The following TLN2 variants were observed in gnomAD, a reference collection of about 807,000 sequenced individuals.
TLN2 encodes talin-2.
TLN2 carries 118 observed loss-of-function variants against 294.7 expected under a neutral mutation model. That is an observed-to-expected ratio of 0.40 (90% CI 0.34 to 0.47). The LOEUF (loss-of-function observed/expected upper bound fraction) is 0.47, where lower values mean the gene tolerates loss of function less well. TLN2 is among the 20% of genes least tolerant of loss of function. The pLI is 0.84. For synonymous variants in TLN2, 1,431 were observed against 1,304.5 expected (o/e 1.10, Z -2.09); for missense variants, 3,083 against 3,282.2 (o/e 0.94, Z 1.48).
At chr15:62,707,344 G>A in intron 20 of TLN2, 91 bp downstream of exon 20, 3 of 1,410,710 alleles carry the variant, frequency 2.1e-6, no homozygotes, top group Non-Finnish European at 1.9e-6. Flanking sequence ...GGCAGAATTT[G>A]TTTAAATAGT....
intron 8 of TLN2, among the ~76,000 whole-genome samples, chr15:62,656,321 G>T (rs2053207093): frequency 6.6e-6 from 1 of 152,162 alleles, no homozygotes; most frequent in Non-Finnish European, 1.5e-5. Flanking sequence ...TTGTGTCCTG[G>T]TAGCCAACAC....
intron 1 of TLN2, among the ~76,000 whole-genome samples, chr15:62,463,701 C>T (rs564406177): frequency 4.3e-4 from 65 of 152,212 alleles, no homozygotes; most frequent in South Asian, 2.5e-3. Context: ...CTGGCTAACA[C>T]GGTGAAACCC....
intron 52 of TLN2, among the ~76,000 whole-genome samples, chr15:62,813,549 C>T (rs2066856754): frequency 6.6e-6 from 1 of 152,012 alleles, no homozygotes; most frequent in African/African-American, 2.4e-5. Flanking sequence ...ATAAAATTGT[C>T]AAAAGTTAGC....
At chr15:62,619,007 C>T (rs1462938177) in intron 3 of TLN2, among the ~76,000 whole-genome samples, 2 of 152,106 alleles carry the variant, frequency 1.3e-5, no homozygotes, top group Non-Finnish European at 2.9e-5. Context: ...ATCAGCATTT[C>T]TGTCTGTGGC....
intron 1 of TLN2, among the ~76,000 whole-genome samples, chr15:62,475,044 T>A (rs1247707905): frequency 5.3e-5 from 8 of 152,118 alleles, no homozygotes; most frequent in Non-Finnish European, 1.0e-4. Context: ...TTTGGGGAAA[T>A]AGAGCCAAAT....
intron 54 of TLN2, chr15:62,832,129 GAATT>G (rs2068926470): frequency 9.1e-6 from 1 of 109,618 alleles, no homozygotes; most frequent in Admixed American, 1.1e-4. Flanking sequence ...TTTTTGGTGA[GAATT>G]AAGTCATTGT....
rs918890521 is a variant in TLN2 at position 62,842,011 on chromosome 15, T to G, written c.*1401T>G. 2.0e-5 allele frequency: 3 copies of G among 151,618 alleles called. No individual in the cohort carries two copies. Among genetic ancestry groups the G allele is most frequent in the African/African-American group, 7.3e-5 (3 of 41,336 alleles). The allele number at this position is 151,618 out of a possible 1,614,324, so 9.4% of individuals were successfully genotyped here. A position where few individuals can be genotyped will look rare whatever the true frequency, so the allele number is the denominator to read the frequency against. On this transcript the variant is annotated 3_prime_UTR_variant, in exon 59 of 59. Coordinates refer to ENST00000636159, the MANE Select transcript of TLN2 (RefSeq NM_015059.3). ...TCTGGTGTGCTATCATGTCTTGGAC[T>G]CCATCCACACTATAGTTTCAAAGTT...
At chr15:62,809,788 A>C in intron 51 of TLN2, 137 bp from the exon 52 acceptor site, 5 of 727,602 alleles carry the variant, frequency 6.9e-6, no homozygotes, top group Admixed American at 2.2e-5. Flanking sequence ...GACGTAGAGG[A>C]GAGATACCTC....
chr15:62,836,227 C>A, intron 57 of TLN2, 154 bp downstream of exon 57: 1 of 1,022,720 alleles, frequency 9.8e-7, no homozygotes, highest in Non-Finnish European at 1.4e-6. Flanking sequence ...TGCGTCCATG[C>A]ATCCTCCACT....
chr15:62,641,285 T>C (rs115064235), intron 3 of TLN2, among the ~76,000 whole-genome samples: 82 of 152,210 alleles, frequency 5.4e-4, no homozygotes, highest in African/African-American at 1.9e-3. Flanking sequence ...CTGCTTCCAT[T>C]GTTTGTGCAA....
chr15:62,479,022 T>A (rs185607448), intron 1 of TLN2, among the ~76,000 whole-genome samples: 28 of 152,330 alleles, frequency 1.8e-4, no homozygotes, highest in African/African-American at 6.5e-4. Flanking sequence ...CAAACTGTGT[T>A]CCTAAATCCA....
At chr15:62,404,096 A>G (rs2033226969) in intron 1 of TLN2, among the ~76,000 whole-genome samples, 2 of 152,204 alleles carry the variant, frequency 1.3e-5, no homozygotes, top group Non-Finnish European at 2.9e-5. Context: ...TCCAGACTTG[A>G]GCTAAGGAAG....
intron 25 of TLN2, among the ~76,000 whole-genome samples, chr15:62,720,742 A>T (rs56150323): frequency 6.6e-6 from 1 of 151,644 alleles, no homozygotes; most frequent in African/African-American, 2.4e-5. Context: ...CTAACATATT[A>T]TGAGTGTTTA....
chr15:62,786,378 A>G (rs921906337), intron 45 of TLN2, among the ~76,000 whole-genome samples: 3 of 152,230 alleles, frequency 2.0e-5, no homozygotes, highest in African/African-American at 7.2e-5. Flanking sequence ...GCCCTGGAAC[A>G]TCAAGCAGGA....
chr15:62,475,664 C>T (rs2037745079), intron 1 of TLN2, among the ~76,000 whole-genome samples: 1 of 152,172 alleles, frequency 6.6e-6, no homozygotes. Context: ...TTTCCCTCTA[C>T]AATTTTTAGA....
intron 1 of TLN2, among the ~76,000 whole-genome samples, chr15:62,564,925 AATAT>A (rs1555430771): frequency 2.5e-5 from 2 of 80,630 alleles, no homozygotes; most frequent in African/African-American, 9.5e-5. Context: ...AAAAAAAAAA[AATAT>A]ATATATATAT....
intron 1 of TLN2, among the ~76,000 whole-genome samples, chr15:62,429,657 G>A (rs2034909488): frequency 6.6e-6 from 1 of 152,128 alleles, no homozygotes; most frequent in Non-Finnish European, 1.5e-5. Context: ...TTTGGGGGTG[G>A]GAACTGGAAG....
chr15:62,487,594 T>C (rs1233281100), intron 1 of TLN2, among the ~76,000 whole-genome samples: 1 of 150,650 alleles, frequency 6.6e-6, no homozygotes, highest in Non-Finnish European at 1.5e-5. Context: ...GCACTTTTGG[T>C]GGCCGAGGTG....
At chr15:62,596,339 G>T (rs552169037) in intron 2 of TLN2, among the ~76,000 whole-genome samples, 6 of 149,324 alleles carry the variant, frequency 4.0e-5, no homozygotes, top group Non-Finnish European at 7.4e-5. Context: ...AAAAAAATAC[G>T]TTAACATATG....
Sources: gnomAD v4.1 joint callset for allele counts (sites outside exome capture counted in the v4.1 genomes callset) on GRCh38, gnomAD v4.1.1 for gene constraint, MANE v1.5 for transcripts, NCBI Gene and HGNC (gene_info 2026-07-23, HGNC 2026-07-21) for gene names.